The following EEF1AKMT2 variants were observed in gnomAD, a reference collection of about 807,000 sequenced individuals.
The protein encoded by EEF1AKMT2 is EEF1A lysine methyltransferase 2, also known as eukaryotic translation elongation factor 1 alpha lysine methyltransferase 2.
A neutral mutation model predicts 35.8 loss-of-function variants in EEF1AKMT2; 32 were observed. That is an observed-to-expected ratio of 0.89 (90% CI 0.67 to 1.20). EEF1AKMT2 has a LOEUF of 1.20. EEF1AKMT2 is among the 50% of genes most tolerant of loss of function. The pLI, the probability that EEF1AKMT2 is intolerant of heterozygous loss-of-function variation, is 0.00. For synonymous variants in EEF1AKMT2, 121 were observed against 133.7 expected (o/e 0.91, Z 0.65); for missense variants, 330 against 347.5 (o/e 0.95, Z 0.40).
intron 3 of EEF1AKMT2, among the ~76,000 whole-genome samples, chr10:124,785,635 T>C (rs1950577739): frequency 6.6e-6 from 1 of 152,172 alleles, no homozygotes; most frequent in Non-Finnish European, 1.5e-5. Context: ...GGCTCACGCT[T>C]GTAATCCAAG....
chr10:124,767,881 G>T (rs1179698458), intron 4 of EEF1AKMT2, among the ~76,000 whole-genome samples: 6 of 152,210 alleles, frequency 3.9e-5, no homozygotes. Flanking sequence ...AGCTAATCGG[G>T]AGGCTGAGGC....
In EEF1AKMT2 at chr10:124,762,466, T is replaced by G. The variant is rs1950340769; in HGVS notation, c.709A>C (p.Thr237Pro). 2 of 1,298,104 alleles carry G rather than the reference T, an allele frequency of 1.5e-6. No homozygotes were observed. Among genetic ancestry groups the G allele is most frequent in the Admixed American group, 2.3e-5 (1 of 43,368 alleles). The allele number at this position is 1,298,104 out of a possible 1,614,324, so 80.4% of individuals were successfully genotyped here. ...FSTSASRVGG[T>P]TGTHHHAWII... ...CAGGCATGATGATGTGTGCCTGTAG[T>G]TCCACCTACTCGGGAGGCTGAAGTG... Residue 237 changes from threonine to proline, a missense_variant, in exon 6 of 7, where the codon ACT (threonine) becomes CCT (proline). Thr to Pro is a conservative substitution (Grantham distance 38). Coordinates refer to ENST00000368836, the MANE Select transcript of EEF1AKMT2 (RefSeq NM_212554.4).
chr10:124,773,282 C>A (rs1950455440), intron 4 of EEF1AKMT2, among the ~76,000 whole-genome samples: 2 of 152,302 alleles, frequency 1.3e-5, no homozygotes, highest in South Asian at 4.1e-4. Context: ...ACTGCAACCT[C>A]CACCTTCCAG....
At chr10:124,776,859 G>T (rs775661640) in intron 3 of EEF1AKMT2, among the ~76,000 whole-genome samples, 7 of 143,490 alleles carry the variant, frequency 4.9e-5, no homozygotes, top group Non-Finnish European at 9.1e-5. Context: ...TCAAGGGTGG[G>T]CTTGATAGCA....
Position 124,762,486 on chromosome 10 carries a change from G to A in EEF1AKMT2, c.689C>T (p.Ser230Leu), listed in dbSNP as rs1191438423. The change falls in exon 6 of 7, where the codon TCA (serine) becomes TTA (leucine). Residue 230 changes from serine (S) to leucine (L), a missense_variant. By Grantham distance (145) the Ser-to-Leu change is moderately radical. Transcript: ENST00000368836. ...TGTAGTTCCACCTACTCGGGAGGCT[G>A]AAGTGGAAAAGATCGCTTGAGCCCA... ...TSWAQAIFST[S>L]ASRVGGTTGT... 4.6e-6 allele frequency: 6 copies of A among 1,291,946 alleles called. No individual in the cohort carries two copies. The highest frequency in any genetic ancestry group is 4.1e-6 in the Non-Finnish European group (4 of 980,500). 80.0% of individuals were successfully genotyped at this position (1,291,946 alleles called of 1,614,324 possible). A position where few individuals can be genotyped will look rare whatever the true frequency, so the allele number is the denominator to read the frequency against.
intron 3 of EEF1AKMT2, among the ~76,000 whole-genome samples, chr10:124,779,767 A>G (rs1220938829): frequency 2.8e-5 from 4 of 144,748 alleles, no homozygotes; most frequent in African/African-American, 1.0e-4. Flanking sequence ...AAAAAAAAAA[A>G]AAAGAAACAG....
chr10:124,784,359 A>G (rs1282060722), intron 3 of EEF1AKMT2, among the ~76,000 whole-genome samples: 1 of 152,202 alleles, frequency 6.6e-6, no homozygotes, highest in Non-Finnish European at 1.5e-5. Context: ...AAAAATTAGA[A>G]AAATTAGAAA....
intron 3 of EEF1AKMT2, among the ~76,000 whole-genome samples, chr10:124,775,493 T>C (rs1950480649): frequency 6.6e-6 from 1 of 152,134 alleles, no homozygotes; most frequent in South Asian, 2.1e-4. Context: ...ACACTAAACA[T>C]TTTTAGACCA....
chr10:124,787,092 G>A (rs890065400), intron 3 of EEF1AKMT2, among the ~76,000 whole-genome samples: 14 of 148,656 alleles, frequency 9.4e-5, no homozygotes, highest in African/African-American at 2.5e-4. Flanking sequence ...ACTATATGGC[G>A]CCCACCACCA....
intron 4 of EEF1AKMT2, among the ~76,000 whole-genome samples, chr10:124,769,941 CA>C (rs1010198937): frequency 1.2e-5 from 1 of 83,092 alleles, no homozygotes; most frequent in African/African-American, 4.9e-5. Context: ...AGCGAAACTC[CA>C]TCTCAAAAAA....
rs746185223 is a variant in EEF1AKMT2, at chr10:124,789,162, TAGAG to T, written c.177-9_177-6del. On this transcript the variant is annotated splice_region_variant and splice_polypyrimidine_tract_variant and intron_variant, in intron 2 of 6. Transcript: ENST00000368836. ...TTCATACTCTCTTCTCCAAACCTGT[TAGAG>T]AGAATCAGTCAAATAACTGAGGGAT... 3 of 1,593,828 alleles carry T rather than the reference TAGAG, an allele frequency of 1.9e-6. No individual in the cohort carries two copies. The highest frequency in any genetic ancestry group is 1.7e-5 in the Admixed American group (1 of 59,672).
intron 3 of EEF1AKMT2, chr10:124,775,004 T>C: frequency 4.9e-6 from 1 of 202,668 alleles, no homozygotes; most frequent in Non-Finnish European, 9.9e-6. Context: ...TTATCTCTTT[T>C]TCAAAAGGAA....
Position 124,760,492 on chromosome 10 carries a change from G to T in EEF1AKMT2, c.*11C>A, listed in dbSNP as rs1473986924. The T allele has an allele frequency of 6.2e-7, 1 of 1,613,550 alleles. No individual in the cohort carries two copies. ...AACTTGGGTGTTGGTAGCTCTTCGAGAAGTTCAAATCCTGTCAGACAAAAT... is the reference window on the plus strand; with the variant it reads ...AACTTGGGTGTTGGTAGCTCTTCGATAAGTTCAAATCCTGTCAGACAAAAT... On this transcript the variant is annotated 3_prime_UTR_variant, in exon 7 of 7. Transcript: ENST00000368836.
At chr10:124,790,185 G>A (rs1277920198) in intron 2 of EEF1AKMT2, 88 bp downstream of exon 2, 27 of 1,047,228 alleles carry the variant, frequency 2.6e-5, no homozygotes, top group Non-Finnish European at 3.7e-5. Context: ...AAGCCACCGC[G>A]CCCGGCGAAT....
In EEF1AKMT2 at chr10:124,791,760, T is replaced by G; in HGVS notation, c.74A>C (p.Asp25Ala). 1 of 1,595,062 alleles carries G rather than the reference T, an allele frequency of 6.3e-7. No homozygotes were observed. Among genetic ancestry groups the G allele is most frequent in the East Asian group, 2.3e-5 (1 of 44,314 alleles). Residue 25 changes from aspartate to alanine, a missense_variant, in exon 1 of 7, where the codon GAC becomes GCC. Transcript: ENST00000368836. ...CCCCAGCGCCGACGGGACGAAACCG[T>G]CCTCCCCGGGACTGCCCTTGTCCGA... ...ARSDKGSPGEDGFVPSALGTR... is the reference protein window; with the variant it reads ...ARSDKGSPGEAGFVPSALGTR...
chr10:124,782,349 G>A (rs552780668), intron 3 of EEF1AKMT2, among the ~76,000 whole-genome samples: 14 of 152,090 alleles, frequency 9.2e-5, no homozygotes, highest in East Asian at 3.9e-4. Context: ...TTGGGAGGCC[G>A]AGGCGGGAGG....
At chr10:124,771,200 C>T (rs188088937) in intron 4 of EEF1AKMT2, among the ~76,000 whole-genome samples, 199 of 151,912 alleles carry the variant, frequency 1.3e-3, no homozygotes, top group African/African-American at 4.5e-3. Flanking sequence ...CCCAGGTTCA[C>T]GCCATTCTCC....
intron 3 of EEF1AKMT2, among the ~76,000 whole-genome samples, chr10:124,786,444 T>TGCAGTGGGGC (rs1433879299): frequency 6.7e-6 from 1 of 150,294 alleles, no homozygotes; most frequent in Admixed American, 6.7e-5. Flanking sequence ...AGGCGGAGCT[T>TGCAGTGGGGC]GCAGTGAGCC....
rs988023934 is a variant in EEF1AKMT2 at position 124,758,630 on chromosome 10, A to T, written c.*1873T>A. ...TTTTGTGAATCAAACTCAACATCTC[A>T]GTCTAGTCACACAGAAAGCCTAGTT... On this transcript the variant is annotated 3_prime_UTR_variant, in exon 7 of 7. Transcript: ENST00000368836. 2.0e-5 allele frequency: 3 copies of T among 152,160 alleles called. No individual in the cohort carries two copies. Among genetic ancestry groups the T allele is most frequent in the African/African-American group, 7.2e-5 (3 of 41,462 alleles). The allele number at this position is 152,160 out of a possible 1,614,324, so 9.4% of individuals were successfully genotyped here.
Sources: gnomAD v4.1 joint callset for allele counts (sites outside exome capture counted in the v4.1 genomes callset) on GRCh38, gnomAD v4.1.1 for gene constraint, MANE v1.5 for transcripts, NCBI Gene and HGNC (gene_info 2026-07-23, HGNC 2026-07-21) for gene names.